Variants in ARHGEF7 observed in about 807,000 individuals in gnomAD.
ARHGEF7 encodes the protein Rho guanine nucleotide exchange factor 7.
In ARHGEF7, 33 loss-of-function variants were observed where a neutral mutation model predicts 109.8. That is an observed-to-expected ratio of 0.30 (90% CI 0.23 to 0.40). The LOEUF is 0.40. Among genes scored for constraint, ARHGEF7 ranks in the 10% least tolerant of loss-of-function variants. ARHGEF7 has a pLI of 1.00. For synonymous variants in ARHGEF7, 458 were observed against 424.6 expected, an observed-to-expected ratio of 1.08 and a Z score of -0.97; for missense variants, 938 against 1,098.5, an observed-to-expected ratio of 0.85 and a Z score of 2.07.
intron 6 of ARHGEF7, 65 bp downstream of exon 6, chr13:111,233,358 A>G (rs546291560): frequency 7.8e-7 from 1 of 1,275,544 alleles, no homozygotes; most frequent in Non-Finnish European, 1.1e-6. Context: ...TCAGCAATGT[A>G]GAATGTAGTG....
chr13:111,155,413 A>G (rs918079298), intron 2 of ARHGEF7, among the ~76,000 whole-genome samples: 8 of 152,268 alleles, frequency 5.3e-5, no homozygotes, highest in African/African-American at 1.9e-4. Context: ...GATTGTAAAC[A>G]CAAAGAAATT....
intron 4 of ARHGEF7, 40 bp downstream of exon 4, chr13:111,210,042 AG>A (rs2082308024): frequency 6.2e-7 from 1 of 1,613,154 alleles, no homozygotes; most frequent in South Asian, 1.1e-5. Context: ...ATGTTTGGGA[AG>A]GATATGAGTG....
At chr13:111,200,637 A>G (rs1358575610) in intron 2 of ARHGEF7, among the ~76,000 whole-genome samples, 5 of 152,160 alleles carry the variant, frequency 3.3e-5, no homozygotes, top group Admixed American at 2.6e-4. Flanking sequence ...GACCTTTCCA[A>G]AATTAACGCC....
At chr13:111,281,790 T>G (rs2092791927) in intron 15 of ARHGEF7, among the ~76,000 whole-genome samples, 1 of 152,216 alleles carries the variant, frequency 6.6e-6, no homozygotes, top group Admixed American at 6.5e-5. Flanking sequence ...GTCTTAGTGT[T>G]TCTTTCACTG....
At chr13:111,223,105 T>C (rs2084693447) in intron 5 of ARHGEF7, among the ~76,000 whole-genome samples, 1 of 152,222 alleles carries the variant, frequency 6.6e-6, no homozygotes, top group South Asian at 2.1e-4. Flanking sequence ...TTGGTATATA[T>C]ACAGAGATAT....
At chr13:111,130,748 C>A (rs1254921177) in intron 1 of ARHGEF7, among the ~76,000 whole-genome samples, 2 of 152,224 alleles carry the variant, frequency 1.3e-5, no homozygotes, top group Non-Finnish European at 2.9e-5. Context: ...AAACACGCAG[C>A]AGAAGAAACT....
intron 3 of ARHGEF7, among the ~76,000 whole-genome samples, chr13:111,206,948 C>T (rs1172156114): frequency 8.3e-6 from 1 of 120,934 alleles, no homozygotes; most frequent in Admixed American, 1.1e-4. Context: ...GGCGACAGAG[C>T]GAGACTCCAT....
Position 111,255,162 on chromosome 13 carries a change from G to C in ARHGEF7, c.950+10868G>C, listed in dbSNP as rs975733763. ...AAGGCCGGGCCCAGAAGAGGATTCG[G>C]GCTAAGGCGCTGAGTCGCTAACGTG... On this transcript the variant is annotated intron_variant, in intron 8 of 21. Transcript: ENST00000646102. This position sits in a 1 kb window ranked among gnomAD's most constrained non-coding sequence, Gnocchi z 4.1. Among the ~76,000 whole-genome samples, 5 of 147,552 alleles carry C rather than the reference G, an allele frequency of 3.4e-5. No individual in the cohort carries two copies. Among genetic ancestry groups the C allele is most frequent in the Admixed American group, 3.4e-4 (5 of 14,822 alleles).
intron 8 of ARHGEF7, among the ~76,000 whole-genome samples, chr13:111,265,124 C>CAAA (rs976877106): frequency 0.013 from 859 of 68,582 alleles, 13 homozygotes; most frequent in African/African-American, 0.036. Context: ...AACTCCATCT[C>CAAA]AAAAAAAAAA....
At chr13:111,121,539 T>C (rs562425378) in intron 1 of ARHGEF7, among the ~76,000 whole-genome samples, 12 of 152,158 alleles carry the variant, frequency 7.9e-5, no homozygotes, top group Non-Finnish European at 1.6e-4. Context: ...CGTTTGTTCT[T>C]GTGTAGGGTG....
chr13:111,181,508 T>A (rs905573108), intron 2 of ARHGEF7, among the ~76,000 whole-genome samples: 10 of 152,138 alleles, frequency 6.6e-5, no homozygotes, highest in African/African-American at 1.9e-4. Flanking sequence ...ATGTTTTTTT[T>A]AAACAACAAC....
intron 2 of ARHGEF7, among the ~76,000 whole-genome samples, chr13:111,204,436 C>T (rs1381304418): frequency 1.3e-5 from 2 of 152,142 alleles, no homozygotes; most frequent in Non-Finnish European, 2.9e-5. Flanking sequence ...GACTGTTTAT[C>T]TTTGCTTGAG....
intron 1 of ARHGEF7, 52 bp from the exon 2 acceptor site, chr13:111,153,853 C>T (rs906218311): frequency 3.8e-6 from 6 of 1,572,888 alleles, no homozygotes; most frequent in South Asian, 2.3e-5. Context: ...GCCTTGTCCG[C>T]GGCGTCCCCG....
chr13:111,137,206 A>G lies in ARHGEF7; in HGVS notation c.166-16699A>G, dbSNP rs537198872. On this transcript the variant is annotated intron_variant, in intron 1 of 21. Coordinates refer to ENST00000646102, the MANE Select transcript of ARHGEF7 (RefSeq NM_001354046.2). ...TACCATTCCTTCTGAAACTATTCCAATCAATGGAAAAGAGAGAATCCTCCC... is the reference window on the plus strand; with the variant it reads ...TACCATTCCTTCTGAAACTATTCCAGTCAATGGAAAAGAGAGAATCCTCCC... Among the ~76,000 whole-genome samples the G allele has an allele frequency of 5.3e-5, 8 of 152,344 alleles. No individual in the cohort carries two copies. In the South Asian group the frequency reaches 1.0e-3, roughly 20 times the overall value.
At chr13:111,148,694 A>G (rs1384489547) in intron 1 of ARHGEF7, among the ~76,000 whole-genome samples, 1 of 152,230 alleles carries the variant, frequency 6.6e-6, no homozygotes, top group Non-Finnish European at 1.5e-5. Context: ...TGCAAGATGG[A>G]AAACTTCCAG....
chr13:111,201,095 T>G (rs1431971995), intron 2 of ARHGEF7, among the ~76,000 whole-genome samples: 1 of 152,218 alleles, frequency 6.6e-6, no homozygotes, highest in Non-Finnish European at 1.5e-5. Flanking sequence ...ATCCCCAGGC[T>G]TGTTGGCTCC....
Position 111,234,884 on chromosome 13 carries a change from C to T in ARHGEF7, c.759+1591C>T, listed in dbSNP as rs184216561. 7.9e-5 allele frequency among the ~76,000 whole-genome samples: 12 copies of T among 152,176 alleles called. No homozygotes were observed. The East Asian group carries it at 1.5e-3, about 20-fold the overall frequency. ...TGTCATCTCTCCTAGTGCTCTGCAT[C>T]GCCTTCATCCCTTGGCCTGTTGGGC... On this transcript the variant is annotated intron_variant, in intron 6 of 21. Coordinates refer to ENST00000646102, the MANE Select transcript of ARHGEF7 (RefSeq NM_001354046.2).
At chr13:111,158,153 A>G (rs2076483399) in intron 2 of ARHGEF7, among the ~76,000 whole-genome samples, 1 of 152,214 alleles carries the variant, frequency 6.6e-6, no homozygotes, top group Non-Finnish European at 1.5e-5. Flanking sequence ...AAAGATGTCT[A>G]CTGTTCTTGA....
chr13:111,290,827 T>C (rs2093250995), intron 18 of ARHGEF7, among the ~76,000 whole-genome samples: 1 of 152,204 alleles, frequency 6.6e-6, no homozygotes, highest in Admixed American at 6.5e-5. Flanking sequence ...CACTCAAAAC[T>C]AGGGAGTAAT....
Sources: allele counts gnomAD v4.1 joint callset (sites outside exome capture counted in the v4.1 genomes callset), GRCh38; gene constraint gnomAD v4.1.1; non-coding constraint Gnocchi (gnomAD v3.1); transcripts MANE v1.5; gene names NCBI Gene and HGNC (gene_info 2026-07-23, HGNC 2026-07-21).